Variants in IL17RB observed in about 807,000 individuals in gnomAD.
IL17RB encodes the protein interleukin-17 receptor B.
IL17RB carries 36 observed loss-of-function variants against 43.9 expected under a neutral mutation model. That is an observed-to-expected ratio of 0.82 (90% CI 0.63 to 1.08). The LOEUF is 1.08. IL17RB is among the 50% of genes least tolerant of loss of function. The pLI is 0.00. For synonymous variants in IL17RB, 225 were observed against 225.4 expected (o/e 1.00, Z 0.02); for missense variants, 613 against 613.6 (o/e 1.00, Z 0.01).
intron 10 of IL17RB, among the ~76,000 whole-genome samples, chr3:53,862,874 A>G (rs191558731): frequency 6.6e-6 from 1 of 152,312 alleles, no homozygotes; most frequent in Non-Finnish European, 1.5e-5. Flanking sequence ...AAAAAGCCAG[A>G]AATTATGATG....
intron 10 of IL17RB, chr3:53,861,632 C>T (rs1368129894): frequency 6.6e-6 from 1 of 152,166 alleles, no homozygotes; most frequent in East Asian, 1.9e-4. Flanking sequence ...GAAGGTGAAG[C>T]ATCTAAAGCT....
intron 7 of IL17RB, 57 bp from the exon 8 acceptor site, chr3:53,857,559 A>G: frequency 6.6e-7 from 1 of 1,505,080 alleles, no homozygotes; most frequent in East Asian, 2.3e-5. Context: ...TGTTGGGATT[A>G]CAGGGGTGAG....
At chr3:53,849,103 G>T (rs758505634) in intron 2 of IL17RB, among the ~76,000 whole-genome samples, 1 of 152,228 alleles carries the variant, frequency 6.6e-6, no homozygotes, top group Non-Finnish European at 1.5e-5. Context: ...GAGTGAGCTG[G>T]AGGAGAGATG....
chr3:53,860,289 T>A (rs1040113267), intron 10 of IL17RB, 61 bp downstream of exon 10: 10 of 1,374,838 alleles, frequency 7.3e-6, no homozygotes, highest in African/African-American at 2.9e-5. Context: ...AATTTTTTTT[T>A]AAAGAAGATT....
chr3:53,849,661 C>G lies in IL17RB; in HGVS notation c.92C>G (p.Ser31Cys), dbSNP rs1189553980. The change falls in exon 3 of 11, where the codon TCT becomes TGT. Residue 31 changes from serine (S) to cysteine (C), a missense_variant. Ser to Cys is a moderately radical substitution (Grantham distance 112). Coordinates refer to ENST00000288167, the MANE Select transcript of IL17RB (RefSeq NM_018725.4). ...AAGTCTTGCTTTTTCCCAGGGCCAT[C>G]TCCAGAGTGGATGCTACAACATGAT... Reference protein sequence around the residue: ...TVQCGSETGPSPEWMLQHDLI... With the variant: ...TVQCGSETGPCPEWMLQHDLI... The G allele has an allele frequency of 1.9e-6, 3 of 1,604,960 alleles. No homozygotes were observed. In the East Asian group the frequency reaches 6.8e-5, roughly 36 times the overall value.
At chr3:53,853,060 C>T in intron 5 of IL17RB, 63 bp downstream of exon 5, 1 of 1,596,928 alleles carries the variant, frequency 6.3e-7, no homozygotes, top group Non-Finnish European at 8.6e-7. Flanking sequence ...GCGATATGCA[C>T]AGAGAGAGCC....
chr3:53,856,105 A>G (rs994914675), intron 6 of IL17RB, among the ~76,000 whole-genome samples: 4 of 152,158 alleles, frequency 2.6e-5, no homozygotes, highest in African/African-American at 9.7e-5. Context: ...GCTTCCCACC[A>G]AGGGTACAGA....
chr3:53,862,154 T>G (rs1699585473), intron 10 of IL17RB, among the ~76,000 whole-genome samples: 1 of 152,158 alleles, frequency 6.6e-6, no homozygotes, highest in Non-Finnish European at 1.5e-5. Context: ...TTAAAGTTCT[T>G]TTGATATTGG....
intron 10 of IL17RB, chr3:53,861,536 A>G (rs1438709000): frequency 6.6e-6 from 1 of 152,260 alleles, no homozygotes; most frequent in Non-Finnish European, 1.5e-5. Flanking sequence ...ATGTGGGTGC[A>G]GGATTGCTGT....
intron 10 of IL17RB, among the ~76,000 whole-genome samples, chr3:53,862,329 T>C (rs1699591873): frequency 6.6e-6 from 1 of 152,098 alleles, no homozygotes; most frequent in East Asian, 1.9e-4. Context: ...GTCAACACTA[T>C]GGACGAGAAC....
chr3:53,863,733 C>T (rs986798754), intron 10 of IL17RB, among the ~76,000 whole-genome samples: 2 of 152,056 alleles, frequency 1.3e-5, no homozygotes, highest in East Asian at 1.9e-4. Flanking sequence ...CTAATTGACC[C>T]GACTCAAAAT....
At chr3:53,859,088 TTC>T (rs1315031875) in intron 9 of IL17RB, 4 of 328,520 alleles carry the variant, frequency 1.2e-5, no homozygotes, top group Admixed American at 9.4e-5. Flanking sequence ...AAAATGGATG[TTC>T]TGAGTGCCAC....
At chr3:53,861,820 G>A (rs1197081538) in intron 10 of IL17RB, among the ~76,000 whole-genome samples, 2 of 152,282 alleles carry the variant, frequency 1.3e-5, no homozygotes, top group East Asian at 1.9e-4. Context: ...GGTTTTCAGT[G>A]CAGATGAAAG....
intron 1 of IL17RB, among the ~76,000 whole-genome samples, chr3:53,847,414 T>G (rs2106999250): frequency 6.6e-6 from 1 of 151,838 alleles, no homozygotes; most frequent in African/African-American, 2.4e-5. Flanking sequence ...TTGGTAGCAT[T>G]TAGGGTTGTT....
Position 53,865,334 on chromosome 3 carries a change from TA to T in IL17RB, c.*29del. The T allele has an allele frequency of 6.4e-7, 1 of 1,563,660 alleles. No homozygotes were observed. Among genetic ancestry groups the T allele is most frequent in the South Asian group, 1.1e-5 (1 of 87,360 alleles). On this transcript the variant is annotated 3_prime_UTR_variant, in exon 11 of 11. Transcript: ENST00000288167. ...CCCACCCATGAGAAGCAAGAGACCT[TA>T]AAGGCTTCCTATCCCACCAATTACA...
Position 53,865,196 on chromosome 3 carries a change from ACCAC to A in IL17RB, c.1399_1402del (p.His467SerfsTer2). On this transcript the variant is annotated frameshift_variant, in exon 11 of 11. Transcript: ENST00000288167. LOFTEE classifies it low-confidence loss of function (END_TRUNC). Reference sequence around the variant, plus strand: ...AATGCTCTCAGTGTCTGCCCCAAGTACCACCTCATGAAGGATGCCACTGCTTTCT... The same window carrying A: ...AATGCTCTCAGTGTCTGCCCCAAGTACTCATGAAGGATGCCACTGCTTTCT... The A allele has an allele frequency of 6.2e-7, 1 of 1,614,112 alleles. No homozygotes were observed. Among genetic ancestry groups the A allele is most frequent in the Non-Finnish European group, 8.5e-7 (1 of 1,180,018 alleles).
chr3:53,850,557 A>G (rs543480773), intron 3 of IL17RB, among the ~76,000 whole-genome samples: 3 of 150,912 alleles, frequency 2.0e-5, no homozygotes, highest in African/African-American at 7.3e-5. Context: ...TAATCCCAGC[A>G]CTTTGGGAGG....
intron 5 of IL17RB, among the ~76,000 whole-genome samples, chr3:53,853,703 C>T (rs1409072806): frequency 6.6e-6 from 1 of 152,056 alleles, no homozygotes; most frequent in Non-Finnish European, 1.5e-5. Flanking sequence ...ACCATCCTGT[C>T]ATCTGTCACA....
intron 1 of IL17RB, among the ~76,000 whole-genome samples, chr3:53,847,016 G>C (rs1033096568): frequency 1.3e-5 from 2 of 152,164 alleles, no homozygotes; most frequent in African/African-American, 4.8e-5. Context: ...TGTTACTTGG[G>C]GTCTGCTCAC....
Sources: allele counts gnomAD v4.1 joint callset (sites outside exome capture counted in the v4.1 genomes callset), GRCh38; gene constraint gnomAD v4.1.1; transcripts MANE v1.5; gene names NCBI Gene and HGNC (gene_info 2026-07-23, HGNC 2026-07-21).